ELF2: variants seen among roughly 807,000 people sequenced by gnomAD.
The protein encoded by ELF2 is E74 like ETS transcription factor 2.
Under a neutral mutation model 54.8 loss-of-function variants are expected in ELF2, and 11 were observed. That is an observed-to-expected ratio of 0.20 (90% CI 0.13 to 0.33). The LOEUF (loss-of-function observed/expected upper bound fraction) is 0.33, where lower values mean the gene tolerates loss of function less well. Ranked by LOEUF, ELF2 falls within the 10% of genes least tolerant of loss-of-function variation. The pLI is 1.00. For missense variants in ELF2, 513 were observed against 703.0 expected (o/e 0.73, Z 3.06); for synonymous variants, 203 against 245.1 (o/e 0.83, Z 1.61).
chr4:139,123,846 C>T (rs976068201), intron 4 of ELF2, among the ~76,000 whole-genome samples: 4 of 152,208 alleles, frequency 2.6e-5, no homozygotes, highest in African/African-American at 7.2e-5. Flanking sequence ...TAATCCAAAA[C>T]ATCATCCTAC....
intron 1 of ELF2, among the ~76,000 whole-genome samples, chr4:139,173,850 G>T (rs12332057): frequency 6.6e-6 from 1 of 151,444 alleles, no homozygotes; most frequent in African/African-American, 2.4e-5. Flanking sequence ...CACTTTGAGA[G>T]GCCAAAGAGA....
intron 4 of ELF2, among the ~76,000 whole-genome samples, chr4:139,081,562 C>A (rs1731119032): frequency 6.6e-6 from 1 of 152,178 alleles, no homozygotes; most frequent in Admixed American, 6.5e-5. Context: ...TTTCACCTGT[C>A]TCCCCAGACT....
At chr4:139,072,654 T>A (rs1729680910) in intron 5 of ELF2, among the ~76,000 whole-genome samples, 2 of 152,232 alleles carry the variant, frequency 1.3e-5, no homozygotes, top group Non-Finnish European at 2.9e-5. Context: ...GGTATTCTAG[T>A]ACATACAGTA....
chr4:139,121,095 A>ATTTTTTTTTTT (rs10711256), intron 4 of ELF2, among the ~76,000 whole-genome samples: 3 of 65,084 alleles, frequency 4.6e-5, no homozygotes, highest in African/African-American at 2.3e-4. Context: ...TATAACACAG[A>ATTTTTTTTTTT]TTTTTTTTTT....
intron 4 of ELF2, among the ~76,000 whole-genome samples, chr4:139,099,052 T>C (rs955825423): frequency 2.6e-5 from 4 of 152,262 alleles, no homozygotes; most frequent in Admixed American, 6.5e-5. Context: ...CTACGTCTTC[T>C]ATGTTCTGGA....
rs111293534 is a variant in ELF2, at chr4:139,153,032, G to A, written c.-251-13535C>T. Among the ~76,000 whole-genome samples, 290 of 150,718 alleles carry A rather than the reference G, an allele frequency of 1.9e-3. 1 individual carries two copies. Among genetic ancestry groups the A allele is most frequent in the African/African-American group, 6.7e-3 (277 of 41,044 alleles). ...TGTAGTTATTGAAACAAGCAGTTTT[G>A]TGCATTCTTTCCATCCTTACAACAG... On this transcript the variant is annotated intron_variant, in intron 1 of 9. Coordinates refer to ENST00000686138, the MANE Select transcript of ELF2 (RefSeq NM_001331036.3).
rs1322310570 is a variant in ELF2, at chr4:139,155,053, T to C, written c.-251-15556A>G. 2 of 152,224 alleles carry C rather than the reference T, an allele frequency of 1.3e-5. 1 individual carries two copies. Among genetic ancestry groups the C allele is most frequent in the Non-Finnish European group, 2.9e-5 (2 of 68,054 alleles). 9.4% of individuals were successfully genotyped at this position (152,224 alleles called of 1,614,324 possible). On this transcript the variant is annotated intron_variant, in intron 1 of 9. Transcript: ENST00000686138. Reference sequence around the variant, plus strand: ...GGGCAAAATAAACTTTCTAAATTGATTGAGACCTGTCTCAGATACTTCTTG... The same window carrying C: ...GGGCAAAATAAACTTTCTAAATTGACTGAGACCTGTCTCAGATACTTCTTG...
chr4:139,098,219 A>G (rs925138704), intron 4 of ELF2, among the ~76,000 whole-genome samples: 1 of 152,174 alleles, frequency 6.6e-6, no homozygotes, highest in African/African-American at 2.4e-5. Context: ...TTACACTTTG[A>G]CAAAGATGTC....
Position 139,166,384 on chromosome 4 carries a change from CAAAA to C in ELF2, c.-252+10579_-252+10582del, listed in dbSNP as rs534042706. ...CCTGGGTGACAGAGTCAAACTGTCTCAAAAAATAAATAAGTAAAATTTAAAAATA... is the reference window on the plus strand; with the variant it reads ...CCTGGGTGACAGAGTCAAACTGTCTCAATAAATAAGTAAAATTTAAAAATA... On this transcript the variant is annotated intron_variant, in intron 1 of 9. Transcript: ENST00000686138. 1.8e-4 allele frequency among the ~76,000 whole-genome samples: 28 copies of C among 151,366 alleles called. 1 individual carries two copies. The South Asian group carries it at 2.3e-3, about 12-fold the overall frequency.
intron 4 of ELF2, among the ~76,000 whole-genome samples, chr4:139,112,870 G>A (rs1735105729): frequency 6.6e-6 from 1 of 151,914 alleles, no homozygotes; most frequent in Admixed American, 6.6e-5. Context: ...ACTCCAGCCT[G>A]AGTGACGGAA....
chr4:139,091,975 CATATATACATATATACACTAT>C (rs949529681), intron 4 of ELF2, among the ~76,000 whole-genome samples: 5 of 147,862 alleles, frequency 3.4e-5, no homozygotes, highest in African/African-American at 5.0e-5. Context: ...ATATACACTA[CATATATACATATATACACTAT>C]ATATATACAT....
intron 4 of ELF2, among the ~76,000 whole-genome samples, chr4:139,118,878 T>C (rs547449073): frequency 2.0e-5 from 3 of 152,290 alleles, no homozygotes; most frequent in African/African-American, 7.2e-5. Flanking sequence ...TTCACAACCC[T>C]GAATTCCTAT....
chr4:139,088,449 A>C (rs1439377554), intron 4 of ELF2, among the ~76,000 whole-genome samples: 3 of 152,164 alleles, frequency 2.0e-5, no homozygotes, highest in Non-Finnish European at 4.4e-5. Context: ...GTCAATACTG[A>C]GTTTTTAATT....
chr4:139,136,727 T>TGC (rs1738201627), intron 3 of ELF2: 1 of 150,276 alleles, frequency 6.7e-6, no homozygotes, highest in East Asian at 2.0e-4. Flanking sequence ...TGCAGTGGCA[T>TGC]GATCTCGGCT....
intron 1 of ELF2, among the ~76,000 whole-genome samples, chr4:139,139,789 C>CT (rs947239477): frequency 8.7e-5 from 13 of 149,386 alleles, no homozygotes; most frequent in Non-Finnish European, 7.4e-5. Flanking sequence ...CAAACAGGTT[C>CT]TTTTTTTTTT....
chr4:139,137,364 T>G (rs921609317), intron 3 of ELF2: 1 of 489,116 alleles, frequency 2.0e-6, no homozygotes, highest in Admixed American at 3.6e-5. Context: ...AATTTAACTC[T>G]CAACTAATAC....
rs1727632692 is a variant in ELF2, at chr4:139,060,247, A to C, written c.1157+77T>G. The C allele has an allele frequency of 3.0e-6, 4 of 1,330,038 alleles. No individual in the cohort carries two copies. In the Admixed American group the frequency reaches 1.1e-4, roughly 38 times the overall value. The allele number at this position is 1,330,038 out of a possible 1,614,324, so 82.4% of individuals were successfully genotyped here. ...GGTTCTTAGAACACTAATATTAAGCAAAAGGACATTTTGTTTTCACCACGG... is the reference window on the plus strand; with the variant it reads ...GGTTCTTAGAACACTAATATTAAGCCAAAGGACATTTTGTTTTCACCACGG... On this transcript the variant is annotated intron_variant, in intron 9 of 9. Coordinates refer to ENST00000686138, the MANE Select transcript of ELF2 (RefSeq NM_001331036.3).
At chr4:139,092,486 G>A (rs137966999) in intron 4 of ELF2, among the ~76,000 whole-genome samples, 31 of 141,396 alleles carry the variant, frequency 2.2e-4, no homozygotes, top group African/African-American at 7.4e-4. Flanking sequence ...GGCCGGGCGC[G>A]GTGGCTCACA....
chr4:139,084,438 G>GGGCGGC (rs34769754), intron 4 of ELF2: 198,251 of 1,116,560 alleles, frequency 0.18, 18,492 homozygotes, highest in South Asian at 0.27. Flanking sequence ...GCAGGGGCAG[G>GGGCGGC]GGCGGCGGCG....
Sources: allele counts gnomAD v4.1 joint callset (sites outside exome capture counted in the v4.1 genomes callset), GRCh38; gene constraint gnomAD v4.1.1; transcripts MANE v1.5; gene names NCBI Gene and HGNC (gene_info 2026-07-23, HGNC 2026-07-21).